GRM5: variants seen among roughly 807,000 people sequenced by gnomAD.
The protein encoded by GRM5 is glutamate metabotropic receptor 5, also known as metabotropic glutamate receptor 5.
In GRM5, 19 loss-of-function variants were observed where a neutral mutation model predicts 83.1. The observed-to-expected ratio is 0.23, with a 90% CI of 0.16 to 0.34. The LOEUF (loss-of-function observed/expected upper bound fraction) is 0.34. GRM5 is among the 10% of genes least tolerant of loss of function. GRM5 has a pLI of 1.00. For synonymous variants in GRM5, 675 were observed against 633.6 expected (o/e 1.07, Z -0.98); for missense variants, 1,160 against 1,588.3 (o/e 0.73, Z 4.58).
intron 2 of GRM5, among the ~76,000 whole-genome samples, chr11:88,879,908 G>T (rs1403983036): frequency 6.6e-6 from 1 of 151,936 alleles, no homozygotes; most frequent in African/African-American, 2.4e-5. Context: ...TGGAAGGTGG[G>T]GTGGGAGGAA....
At chr11:89,050,315 C>A (rs761892729) in intron 1 of GRM5, among the ~76,000 whole-genome samples, 2 of 152,098 alleles carry the variant, frequency 1.3e-5, no homozygotes, top group Non-Finnish European at 2.9e-5. Flanking sequence ...CTAACATGCC[C>A]CATCTATTCA....
At chr11:88,774,012 G>C (rs1418981183) in intron 3 of GRM5, among the ~76,000 whole-genome samples, 1 of 152,258 alleles carries the variant, frequency 6.6e-6, no homozygotes, top group East Asian at 1.9e-4. Flanking sequence ...GCTTGATGGG[G>C]ATGGCATTGA....
chr11:88,762,806 A>G (rs1008879301), intron 3 of GRM5, among the ~76,000 whole-genome samples: 2 of 151,964 alleles, frequency 1.3e-5, no homozygotes, highest in Non-Finnish European at 2.9e-5. Context: ...TAAAGAAAAC[A>G]TAGTACATGT....
At chr11:89,021,726 G>C (rs1166171694) in intron 2 of GRM5, among the ~76,000 whole-genome samples, 1 of 152,192 alleles carries the variant, frequency 6.6e-6, no homozygotes, top group East Asian at 1.9e-4. Context: ...TTAAACTCTA[G>C]ACTCTATATT....
chr11:88,987,733 C>T (rs886763476), intron 2 of GRM5, among the ~76,000 whole-genome samples: 25 of 151,854 alleles, frequency 1.6e-4, no homozygotes, highest in African/African-American at 5.6e-4. Flanking sequence ...CTGGGAGGCA[C>T]CCCCCAGCAG....
At chr11:88,907,706 C>T (rs868587487) in intron 2 of GRM5, among the ~76,000 whole-genome samples, 1 of 151,956 alleles carries the variant, frequency 6.6e-6, no homozygotes, top group Non-Finnish European at 1.5e-5. Flanking sequence ...GGATTAGATC[C>T]CAGGTTTGTT....
At chr11:89,001,941 C>A (rs572996102) in intron 2 of GRM5, among the ~76,000 whole-genome samples, 5 of 152,058 alleles carry the variant, frequency 3.3e-5, no homozygotes, top group Admixed American at 1.3e-4. Flanking sequence ...GTTCTTAATG[C>A]TCTAACTGAA....
chr11:88,950,481 TC>T (rs1417789574), intron 2 of GRM5, among the ~76,000 whole-genome samples: 19 of 151,950 alleles, frequency 1.3e-4, no homozygotes, highest in Admixed American at 1.1e-3. Context: ...AGAAATACCT[TC>T]TTAAATTTTT....
chr11:88,674,496 T>G (rs910043429), intron 3 of GRM5, among the ~76,000 whole-genome samples: 3 of 151,930 alleles, frequency 2.0e-5, no homozygotes, highest in African/African-American at 7.2e-5. Context: ...CAGAGGAACC[T>G]CCAATAAAAC....
At chr11:88,698,415 T>G (rs1054385296) in intron 3 of GRM5, among the ~76,000 whole-genome samples, 1 of 152,242 alleles carries the variant, frequency 6.6e-6, no homozygotes, top group Non-Finnish European at 1.5e-5. Flanking sequence ...TCACTCTTAG[T>G]GCTTCTTATA....
chr11:88,863,713 CTT>C (rs1944610139), intron 2 of GRM5, among the ~76,000 whole-genome samples: 1 of 117,080 alleles, frequency 8.5e-6, no homozygotes, highest in South Asian at 2.5e-4. Context: ...TGATATTTAA[CTT>C]TTATTTTTTT....
rs1275293026 is a variant in GRM5, at chr11:89,065,841, A to T, written c.-266T>A. Reference sequence around the variant, plus strand: ...CCTCGAGGGCTTCCTGCGCTCTCGTAGCGGCCTTGGCTGCAGCTGGAGCGC... The same window carrying T: ...CCTCGAGGGCTTCCTGCGCTCTCGTTGCGGCCTTGGCTGCAGCTGGAGCGC... On this transcript the variant is annotated 5_prime_UTR_variant, in exon 1 of 10. Coordinates refer to ENST00000305447, the MANE Select transcript of GRM5 (RefSeq NM_001143831.3). 2 of 152,228 alleles carry T rather than the reference A, an allele frequency of 1.3e-5. No individual in the cohort carries two copies. Among genetic ancestry groups the T allele is most frequent in the Admixed American group, 6.5e-5 (1 of 15,286 alleles). 9.4% of individuals were successfully genotyped at this position (152,228 alleles called of 1,614,324 possible).
rs1945027301 is a variant in GRM5, at chr11:88,885,450, G to GGTTTTTTTTTT, written c.662-35296_662-35295insAAAAAAAAAAC. ...TTCTGAATTCTATAGTAGGTACCAT[G>GGTTTTTTTTTT]TTTTTTTTTTTTTTTTTTTTTTTTT... On this transcript the variant is annotated intron_variant, in intron 2 of 9. Coordinates refer to ENST00000305447, the MANE Select transcript of GRM5 (RefSeq NM_001143831.3). Among the ~76,000 whole-genome samples the GGTTTTTTTTTT allele has an allele frequency of 9.1e-4, 57 of 62,664 alleles. 21 individuals carry two copies. The highest frequency in any genetic ancestry group is 2.7e-3 in the African/African-American group (46 of 16,892). 41.1% of individuals were successfully genotyped at this position (62,664 alleles called of 152,430 possible). A position where few individuals can be genotyped will look rare whatever the true frequency, so the allele number is the denominator to read the frequency against.
chr11:88,811,308 TAC>T (rs1162187537), intron 3 of GRM5, among the ~76,000 whole-genome samples: 2 of 152,064 alleles, frequency 1.3e-5, no homozygotes, highest in African/African-American at 4.8e-5. Flanking sequence ...AGAAAAAAGA[TAC>T]AGAGCATTAA....
At chr11:89,023,107 C>T (rs1941027564) in intron 2 of GRM5, among the ~76,000 whole-genome samples, 1 of 151,648 alleles carries the variant, frequency 6.6e-6, no homozygotes, top group Non-Finnish European at 1.5e-5. Flanking sequence ...CCCTCCTGTA[C>T]TATTATGGGG....
intron 2 of GRM5, among the ~76,000 whole-genome samples, chr11:88,978,473 TTAAAAAAAAAAAAAAA>T (rs1939409943): frequency 1.8e-5 from 1 of 56,818 alleles, no homozygotes; most frequent in African/African-American, 6.6e-5. Flanking sequence ...GCAGATGAGC[TTAAAAAAAAAAAAAAA>T]AAAAAAAAAA....
At chr11:88,623,208 T>G (rs778171530) in intron 4 of GRM5, among the ~76,000 whole-genome samples, 179 of 151,972 alleles carry the variant, frequency 1.2e-3, no homozygotes, top group Non-Finnish European at 1.9e-3. Flanking sequence ...GCCTCAGCCT[T>G]CCGAGTAGCT....
At chr11:88,582,918 A>C (rs1021235742) in intron 7 of GRM5, among the ~76,000 whole-genome samples, 1 of 152,038 alleles carries the variant, frequency 6.6e-6, no homozygotes, top group African/African-American at 2.4e-5. Flanking sequence ...GAATCATAGC[A>C]CCTGGGATTT....
chr11:88,793,211 C>A (rs998092351), intron 3 of GRM5, among the ~76,000 whole-genome samples: 4 of 151,936 alleles, frequency 2.6e-5, no homozygotes, highest in African/African-American at 9.7e-5. Flanking sequence ...ATAATCTAGC[C>A]CAAACTTAAA....
Sources: allele counts gnomAD v4.1 joint callset (sites outside exome capture counted in the v4.1 genomes callset), GRCh38; gene constraint gnomAD v4.1.1; transcripts MANE v1.5; gene names NCBI Gene and HGNC (gene_info 2026-07-23, HGNC 2026-07-21).